MTERF4: variants seen among roughly 807,000 people sequenced by gnomAD.
The protein encoded by MTERF4 is mitochondrial transcription termination factor 4, also known as transcription termination factor 4, mitochondrial.
A neutral mutation model predicts 22.5 loss-of-function variants in MTERF4; 17 were observed. That is an observed-to-expected ratio of 0.75 (90% CI 0.52 to 1.13). MTERF4 has a LOEUF of 1.13. Ranked by LOEUF, MTERF4 falls within the 50% of genes most tolerant of loss-of-function variation. The pLI is 0.00. For missense variants in MTERF4, 420 were observed against 466.8 expected (o/e 0.90, Z 0.92); for synonymous variants, 165 against 175.3 (o/e 0.94, Z 0.47).
chr2:241,043,971 T>C, the MTERF4 span, among the ~76,000 whole-genome samples: 11 of 152,234 alleles, frequency 7.2e-5, no homozygotes, highest in East Asian at 1.7e-3. Context: ...GGTCCCTATA[T>C]TACATAAAGT....
At chr2:241,048,287 C>T in the MTERF4 span, 7 of 1,571,390 alleles carry the variant, frequency 4.5e-6, no homozygotes, top group South Asian at 8.5e-5. Flanking sequence ...CCCTGCGTGG[C>T]CGCTGGTGAC....
chr2:241,094,226 C>A, downstream of MTERF4: 1 of 451,620 alleles, frequency 2.2e-6, no homozygotes, highest in South Asian at 1.6e-5. The surrounding 1 kb of genome is among the most constrained non-coding windows in gnomAD (Gnocchi z 4.3). Context: ...TGCCCACTGT[C>A]CTCCAGTAGA....
At chr2:241,065,615 GCCGT>G in the MTERF4 span, 1 of 1,605,086 alleles carries the variant, frequency 6.2e-7, no homozygotes. Flanking sequence ...CCCGAGCCTG[GCCGT>G]CCCTGCCCAG....
At chr2:241,067,864 G>A (rs1304350931), downstream of MTERF4, 2 of 1,613,402 alleles carry the variant, frequency 1.2e-6, no homozygotes, top group Admixed American at 1.7e-5. Context: ...CCGTCAGTGG[G>A]GTCCGTGTGT....
the MTERF4 span, chr2:241,051,313 A>G: frequency 6.1e-6 from 1 of 164,462 alleles, no homozygotes; most frequent in Non-Finnish European, 1.3e-5. The surrounding 1 kb of genome is among the most constrained non-coding windows in gnomAD (Gnocchi z 4.7). Context: ...GGCAATGCCA[A>G]TGCAGGTACA....
At position 241,095,970 on chromosome 2, in the gene MTERF4, C is replaced by G. The variant is rs1430710849; in HGVS notation, c.*28G>C. The G allele has an allele frequency of 1.9e-6, 3 of 1,603,716 alleles. No individual in the cohort carries two copies. Among genetic ancestry groups the G allele is most frequent in the Non-Finnish European group, 1.7e-6 (2 of 1,174,068 alleles). On this transcript the variant is annotated 3_prime_UTR_variant, in exon 4 of 4. Transcript: ENST00000391980. ...GAAAAGCTTCCTTGATATCTCTGGG[C>G]CCTTTCGCTCTAGTCCTTCCATCAC...
At chr2:241,102,155 A>G in intron 1 of MTERF4, 98 bp downstream of exon 1, 1 of 1,523,650 alleles carries the variant, frequency 6.6e-7, no homozygotes, top group Non-Finnish European at 8.9e-7. Context: ...GGAGGGCTCC[A>G]CGACCTGGCC....
chr2:241,054,159 C>CT, the MTERF4 span, among the ~76,000 whole-genome samples: 1 of 152,084 alleles, frequency 6.6e-6, no homozygotes, highest in Non-Finnish European at 1.5e-5. Context: ...TCCTGACTGT[C>CT]TTGGAGATGA....
chr2:241,056,580 A>ATTTTTTTTTTTTTTT, the MTERF4 span, among the ~76,000 whole-genome samples: 12 of 111,220 alleles, frequency 1.1e-4, 1 homozygote, highest in African/African-American at 3.1e-4. Context: ...AATAAGTGAA[A>ATTTTTTTTTTTTTTT]TTTTTTTTTT....
chr2:241,101,397 G>A (rs1042235695), intron 1 of MTERF4, among the ~76,000 whole-genome samples: 1 of 152,256 alleles, frequency 6.6e-6, no homozygotes, highest in East Asian at 1.9e-4. Context: ...GGGAGCGGCT[G>A]TAAATACAGT....
At chr2:241,084,246 C>T (rs1019338599), downstream of MTERF4, among the ~76,000 whole-genome samples, 7 of 150,782 alleles carry the variant, frequency 4.6e-5, no homozygotes, top group African/African-American at 1.5e-4. Flanking sequence ...AAGCAATTCT[C>T]CTGCCTCAGC....
chr2:241,050,322 CCTT>C, the MTERF4 span, among the ~76,000 whole-genome samples: 1 of 152,292 alleles, frequency 6.6e-6, no homozygotes, highest in South Asian at 2.1e-4. Context: ...ATAGAAGTGT[CCTT>C]CTGTAAGCAC....
chr2:241,073,066 G>C lies in MTERF4; in HGVS notation n.3096C>G. Reference sequence around the variant, plus strand: ...GCAAGGGGAAGGCCGAGCCCCTCCAGAGGGTCAGCAGGAGGGTGAGGCCAG... The same window carrying C: ...GCAAGGGGAAGGCCGAGCCCCTCCACAGGGTCAGCAGGAGGGTGAGGCCAG... On this transcript the variant is annotated non_coding_transcript_exon_variant, in exon 5 of 5. Coordinates refer to the MTERF4 transcript ENST00000464344. This position sits in a 1 kb window ranked among gnomAD's most constrained non-coding sequence, Gnocchi z 6.6. 1.8e-6 allele frequency: 1 copy of C among 568,386 alleles called. No homozygotes were observed. Among genetic ancestry groups the C allele is most frequent in the Non-Finnish European group, 3.1e-6 (1 of 318,658 alleles). The allele number at this position is 568,386 out of a possible 1,614,324, so 35.2% of individuals were successfully genotyped here.
the MTERF4 span, chr2:241,050,125 A>G: frequency 1.5e-6 from 1 of 648,110 alleles, no homozygotes; most frequent in Non-Finnish European, 2.9e-6. Flanking sequence ...TCTGATCTGC[A>G]CCAGTGCCAG....
rs1559338490 is a variant in MTERF4, at chr2:241,097,288, G to A, written c.660C>T (p.Pro220=). The change falls in exon 3 of 4, where the codon CCC becomes CCT. Residue 220 remains proline, a synonymous_variant. Coordinates refer to ENST00000391980, the MANE Select transcript of MTERF4 (RefSeq NM_182501.4). ...GACCCAGGTCCTCTCGAAGAACAGAGGGGCAACTGTGCAAAATCTTGGTGA... is the reference window on the plus strand; with the variant it reads ...GACCCAGGTCCTCTCGAAGAACAGAAGGGCAACTGTGCAAAATCTTGGTGA... The part of the protein sequence containing the change: ...QQVTKILHSC[P]SVLREDLGQL... 10 of 1,614,166 alleles carry A rather than the reference G, an allele frequency of 6.2e-6. No homozygotes were observed. The highest frequency in any genetic ancestry group is 6.8e-6 in the Non-Finnish European group (8 of 1,180,018).
At chr2:241,045,374 G>T in the MTERF4 span, among the ~76,000 whole-genome samples, 2 of 152,128 alleles carry the variant, frequency 1.3e-5, no homozygotes, top group African/African-American at 4.8e-5. Flanking sequence ...TAAATTTTGA[G>T]GAATCACACT....
the MTERF4 span, chr2:241,063,791 G>A: frequency 9.8e-7 from 1 of 1,024,196 alleles, no homozygotes; most frequent in South Asian, 1.5e-5. Context: ...TCCCTGCTGG[G>A]CAGGCCACCT....
downstream of MTERF4, chr2:241,071,516 G>A (rs752947767): frequency 1.4e-5 from 22 of 1,541,102 alleles, no homozygotes; most frequent in Middle Eastern, 2.1e-4. Context: ...ATGCCACAGG[G>A]GCAGGGACAG....
chr2:241,048,423 G>A, the MTERF4 span: 2 of 1,608,234 alleles, frequency 1.2e-6, no homozygotes, highest in Admixed American at 1.7e-5. Flanking sequence ...GGCTTCATGG[G>A]CCTGGACTGC....
Sources: gnomAD v4.1 joint callset for allele counts (sites outside exome capture counted in the v4.1 genomes callset) on GRCh38, gnomAD v4.1.1 for gene constraint, Gnocchi (gnomAD v3.1) non-coding constraint, MANE v1.5 for transcripts, NCBI Gene and HGNC (gene_info 2026-07-23, HGNC 2026-07-21) for gene names.